The following HSPA4L variants were observed in gnomAD, a reference collection of about 807,000 sequenced individuals.
HSPA4L encodes heat shock protein family A (Hsp70) member 4 like, also known as heat shock 70 kDa protein 4L.
Under a neutral mutation model 100.3 loss-of-function variants are expected in HSPA4L, and 48 were observed. That is an observed-to-expected ratio of 0.48 (90% CI 0.38 to 0.61). The LOEUF is 0.61. HSPA4L is among the 20% of genes least tolerant of loss of function. The pLI is 0.00. For missense variants in HSPA4L, 886 were observed against 988.6 expected, an observed-to-expected ratio of 0.90 and a Z score of 1.39; for synonymous variants, 319 against 328.2, an observed-to-expected ratio of 0.97 and a Z score of 0.30.
chr4:127,827,480 G>T, intron 17 of HSPA4L, 56 bp downstream of exon 17: 1 of 1,591,260 alleles, frequency 6.3e-7, no homozygotes, highest in South Asian at 1.1e-5. Flanking sequence ...TACATAGAAT[G>T]GGGCAAATCT....
At chr4:127,789,238 A>G (rs552375626) in intron 1 of HSPA4L, among the ~76,000 whole-genome samples, 1 of 152,238 alleles carries the variant, frequency 6.6e-6, no homozygotes, top group East Asian at 1.9e-4. Context: ...TACTAAAAGG[A>G]ACATAGGACA....
intron 2 of HSPA4L, among the ~76,000 whole-genome samples, chr4:127,794,418 C>T (rs987195943): frequency 6.6e-6 from 1 of 151,854 alleles, no homozygotes; most frequent in Non-Finnish European, 1.5e-5. Context: ...GGTGACCATC[C>T]AGAGAATAAT....
chr4:127,804,495 A>G (rs959145512), intron 8 of HSPA4L, among the ~76,000 whole-genome samples: 1 of 152,022 alleles, frequency 6.6e-6, no homozygotes, highest in African/African-American at 2.4e-5. Flanking sequence ...AACCCCAGCT[A>G]TTCAGGAGGC....
intron 1 of HSPA4L, 72 bp downstream of exon 1, chr4:127,782,729 G>C: frequency 9.0e-7 from 1 of 1,117,136 alleles, no homozygotes; most frequent in African/African-American, 1.6e-5. Context: ...CGTTTGTCCT[G>C]TCTGCTCGCT....
At chr4:127,793,508 C>T (rs981557588) in intron 1 of HSPA4L, among the ~76,000 whole-genome samples, 2 of 152,076 alleles carry the variant, frequency 1.3e-5, no homozygotes, top group Admixed American at 6.6e-5. Context: ...TCTGTGCTTG[C>T]TCTGTGTTAT....
chr4:127,803,639 C>T lies in HSPA4L; in HGVS notation c.674C>T (p.Thr225Ile). Residue 225 changes from threonine to isoleucine, a missense_variant, in exon 7 of 19, where the codon ACT becomes ATT. Physicochemically the swap from Thr to Ile is moderately conservative, Grantham distance 89. Transcript: ENST00000296464. ...FNKGKLKVLA[T>I]TFDPYLGGRN... ...TTTTCAATTAAACAGGTCTTGGCTACTACCTTTGATCCATATTTGGGTGGC... is the reference window on the plus strand; with the variant it reads ...TTTTCAATTAAACAGGTCTTGGCTATTACCTTTGATCCATATTTGGGTGGC... The T allele has an allele frequency of 6.2e-7, 1 of 1,611,382 alleles. No individual in the cohort carries two copies.
intron 15 of HSPA4L, 36 bp downstream of exon 15, chr4:127,822,930 A>G (rs2148797308): frequency 1.9e-6 from 3 of 1,589,890 alleles, no homozygotes; most frequent in Middle Eastern, 3.4e-4. Flanking sequence ...TGTGAGGACT[A>G]TTTAAAGGTT....
At chr4:127,782,291 A>C, upstream of HSPA4L, 3 of 474,094 alleles carry the variant, frequency 6.3e-6, no homozygotes, top group Non-Finnish European at 1.1e-5. Context: ...CGCAGGTCCC[A>C]GTAACCGCCG....
chr4:127,782,496 C>T lies in HSPA4L; in HGVS notation c.-55C>T. On this transcript the variant is annotated 5_prime_UTR_variant, in exon 1 of 19. Transcript: ENST00000296464. Reference sequence around the variant, plus strand: ...CCAGCAGCAATAGCCCAGAAGAGGACACGGTTCCCGTACCGAAGGGTTCAG... The same window carrying T: ...CCAGCAGCAATAGCCCAGAAGAGGATACGGTTCCCGTACCGAAGGGTTCAG... 7.0e-7 allele frequency: 1 copy of T among 1,437,186 alleles called. No individual in the cohort carries two copies. 89.0% of individuals were successfully genotyped at this position (1,437,186 alleles called of 1,614,324 possible). A position where few individuals can be genotyped will look rare whatever the true frequency, so the allele number is the denominator to read the frequency against.
intron 11 of HSPA4L, among the ~76,000 whole-genome samples, chr4:127,808,920 C>G (rs1374540357): frequency 6.6e-6 from 1 of 152,110 alleles, no homozygotes; most frequent in East Asian, 1.9e-4. Flanking sequence ...GAGACTCCCT[C>G]TATCAAAATA....
At chr4:127,812,932 T>C in intron 12 of HSPA4L, 2 of 824,608 alleles carry the variant, frequency 2.4e-6, no homozygotes. Flanking sequence ...AATACGCACA[T>C]TAATTCTCTT....
intron 1 of HSPA4L, 82 bp from the exon 2 acceptor site, chr4:127,793,995 C>A: frequency 2.3e-6 from 2 of 876,306 alleles, no homozygotes; most frequent in African/African-American, 1.7e-5. Context: ...CTTTTAAATT[C>A]ATTTTCTTAT....
chr4:127,812,414 A>C (rs1578709968), intron 12 of HSPA4L, among the ~76,000 whole-genome samples: 1 of 151,458 alleles, frequency 6.6e-6, no homozygotes, highest in Non-Finnish European at 1.5e-5. Context: ...ATCTCAAAAA[A>C]AAAAAACAAA....
At chr4:127,832,021 TTAAGATGTTAATCCCTA>T (rs1355906880) in intron 18 of HSPA4L, among the ~76,000 whole-genome samples, 3 of 151,534 alleles carry the variant, frequency 2.0e-5, no homozygotes, top group African/African-American at 4.8e-5. Context: ...AACATTCCCC[TTAAGATGTTAATCCCTA>T]TATTTCCGTG....
chr4:127,782,205 G>A, upstream of HSPA4L: 1 of 400,498 alleles, frequency 2.5e-6, no homozygotes, highest in East Asian at 7.4e-5. Context: ...GACGGAAGCG[G>A]CCGAAGTCCG....
intron 1 of HSPA4L, among the ~76,000 whole-genome samples, chr4:127,782,928 C>T (rs1201391613): frequency 3.3e-5 from 5 of 152,160 alleles, no homozygotes; most frequent in Admixed American, 1.3e-4. Context: ...TCCCCTGCCT[C>T]GTGCCGCTGT....
At chr4:127,797,624 C>T (rs866021910) in intron 3 of HSPA4L, among the ~76,000 whole-genome samples, 9 of 132,170 alleles carry the variant, frequency 6.8e-5, no homozygotes, top group East Asian at 2.1e-4. Flanking sequence ...TTTTTTGAGA[C>T]GGAGTCTTGC....
chr4:127,806,319 G>T (rs1733356462), intron 10 of HSPA4L, among the ~76,000 whole-genome samples: 2 of 151,794 alleles, frequency 1.3e-5, no homozygotes, highest in Admixed American at 1.3e-4. Flanking sequence ...TCATATTTTT[G>T]CTATTTTAAA....
Position 127,823,938 on chromosome 4 carries a change from A to G in HSPA4L, c.2046+314A>G, listed in dbSNP as rs375493628. ...ATGGTAACTGTGGTTACCATGATGT[A>G]CAATAGATCTCTTGGACTTACTCCT... On this transcript the variant is annotated intron_variant, in intron 16 of 18. Transcript: ENST00000296464. Among the ~76,000 whole-genome samples, 31 of 152,320 alleles carry G rather than the reference A, an allele frequency of 2.0e-4. No homozygotes were observed. In the South Asian group the frequency reaches 6.2e-3, roughly 31 times the overall value.
Sources: gnomAD v4.1 joint callset for allele counts (sites outside exome capture counted in the v4.1 genomes callset) on GRCh38, gnomAD v4.1.1 for gene constraint, MANE v1.5 for transcripts, NCBI Gene and HGNC (gene_info 2026-07-23, HGNC 2026-07-21) for gene names.